Variants in F13B observed in about 807,000 individuals in gnomAD.
The protein encoded by F13B is TGase.
F13B carries 58 observed loss-of-function variants against 79.8 expected under a neutral mutation model. That is an observed-to-expected ratio of 0.73 (90% CI 0.59 to 0.90). The LOEUF (loss-of-function observed/expected upper bound fraction) is 0.90. Ranked by LOEUF, F13B falls within the 40% of genes least tolerant of loss-of-function variation. The probability of loss-of-function intolerance (pLI) is 0.00; values close to 1 mark genes in which losing one functional copy is unlikely to be tolerated. For missense variants in F13B, 773 were observed against 777.0 expected (o/e 0.99, Z 0.06); for synonymous variants, 283 against 260.3 (o/e 1.09, Z -0.84).
At chr1:197,050,202 A>C (rs965979065) in intron 10 of F13B, among the ~76,000 whole-genome samples, 1 of 152,148 alleles carries the variant, frequency 6.6e-6, no homozygotes, top group Non-Finnish European at 1.5e-5. Context: ...ATTGGAAATA[A>C]AAAATATTTT....
rs5990 is a variant in F13B at position 197,039,467 on chromosome 1, A to C, written c.1953-56T>G. On this transcript the variant is annotated intron_variant, in intron 11 of 11. Transcript: ENST00000367412. The stretch of plus-strand genomic sequence containing the variant: ...AAGCATCAATTGCAGTCAGGTGTTA[A>C]TTACAATCTCAGCCTTTCAATTTTT... 0.49 allele frequency: 695,537 copies of C among 1,410,192 alleles called. 179,483 individuals are homozygous for C. The highest frequency in any genetic ancestry group is 0.83 in the East Asian group (36,183 of 43,706). The allele number at this position is 1,410,192 out of a possible 1,614,324, so 87.4% of individuals were successfully genotyped here.
In F13B at chr1:197,051,685, A is replaced by T. The variant is rs372611050; in HGVS notation, c.1556-806T>A. ...GGTATATATGCTGATTGAAGTTTGG[A>T]AGTTGGATCACTCCTCTCAACTTTA... On this transcript the variant is annotated intron_variant, in intron 9 of 11. Transcript: ENST00000367412. Among the ~76,000 whole-genome samples the T allele has an allele frequency of 1.1e-4, 16 of 152,194 alleles. No homozygotes were observed. The East Asian group carries it at 2.9e-3, about 28-fold the overall frequency.
intron 9 of F13B, 114 bp from the exon 10 acceptor site, chr1:197,050,993 A>C (rs1338866772): frequency 1.1e-6 from 1 of 893,184 alleles, no homozygotes; most frequent in Admixed American, 2.0e-5. Context: ...GTATGGTGGC[A>C]TGATCATGAC....
intron 3 of F13B, 108 bp downstream of exon 3, chr1:197,061,674 CAT>C (rs1558311864): frequency 1.1e-6 from 1 of 908,134 alleles, no homozygotes; most frequent in African/African-American, 1.7e-5. Context: ...GCATTGTAGA[CAT>C]AATGAAAAAT....
intron 4 of F13B, 112 bp downstream of exon 4, chr1:197,060,787 G>A (rs572856309): frequency 9.6e-6 from 10 of 1,036,352 alleles, no homozygotes; most frequent in Non-Finnish European, 1.5e-5. Context: ...TAAAAATAAA[G>A]GCAAAAATGC....
At position 197,051,094 on chromosome 1, in the gene F13B, A is replaced by G. The variant is rs575671251; in HGVS notation, c.1556-215T>C. On this transcript the variant is annotated intron_variant, in intron 9 of 11. Coordinates refer to ENST00000367412, the MANE Select transcript of F13B (RefSeq NM_001994.3). ...CTACAGGTGCATTTTTCTTTTGTAG[A>G]GACAGGGTCTCACTATGTTGCTCAG... 2.0e-5 allele frequency among the ~76,000 whole-genome samples: 3 copies of G among 152,148 alleles called. No individual in the cohort carries two copies. In the East Asian group the frequency reaches 5.8e-4, roughly 30 times the overall value.
intron 4 of F13B, 117 bp from the exon 5 acceptor site, chr1:197,060,659 G>T: frequency 1.3e-6 from 1 of 787,762 alleles, no homozygotes; most frequent in Non-Finnish European, 2.0e-6. Flanking sequence ...AAAAGCTTAT[G>T]AATTCATTTT....
At position 197,039,424 on chromosome 1, in the gene F13B, A is replaced by T; in HGVS notation, c.1953-13T>A. ...ATAAGACAGAGTGCTTGAGGGGAAA[A>T]AGAGAGATTTTTGAAATAAGCATCA... is the stretch of plus-strand genomic sequence containing the variant. On this transcript the variant is annotated splice_polypyrimidine_tract_variant and intron_variant, in intron 11 of 11. Transcript: ENST00000367412. 1 of 1,608,114 alleles carries T rather than the reference A, an allele frequency of 6.2e-7. No individual in the cohort carries two copies. Among genetic ancestry groups the T allele is most frequent in the South Asian group, 1.1e-5 (1 of 89,894 alleles).
intron 5 of F13B, among the ~76,000 whole-genome samples, chr1:197,060,123 AG>A (rs1420413860): frequency 2.6e-5 from 4 of 152,072 alleles, no homozygotes; most frequent in Non-Finnish European, 5.9e-5. Context: ...AATGTATAAT[AG>A]ATATTTTAAA....
chr1:197,056,108 C>T (rs1041058340), intron 7 of F13B, among the ~76,000 whole-genome samples: 21 of 152,110 alleles, frequency 1.4e-4, no homozygotes, highest in South Asian at 1.2e-3. Context: ...AACAACTATA[C>T]GTATTTTTCT....
Position 197,040,647 on chromosome 1 carries a change from A to G in F13B, c.1827T>C (p.Gly609=), listed in dbSNP as rs1655006192. The change falls in exon 11 of 12, where the codon GGT becomes GGC. Residue 609 remains glycine, a synonymous_variant. Transcript: ENST00000367412. ...DFDNRPHILH[G]EYIEFICRGD... The stretch of plus-strand genomic sequence containing the variant: ...CTCTACAAATAAACTCAATATATTC[A>G]CCATGCAAAATGTGTGGTCTATTGT... 6.2e-7 allele frequency: 1 copy of G among 1,612,874 alleles called. No homozygotes were observed. The highest frequency in any genetic ancestry group is 8.5e-7 in the Non-Finnish European group (1 of 1,179,116).
chr1:197,045,972 T>C (rs1558304441), intron 10 of F13B, among the ~76,000 whole-genome samples: 1 of 152,174 alleles, frequency 6.6e-6, no homozygotes, highest in South Asian at 2.1e-4. Context: ...CAGCCCTTCA[T>C]GCTAAAAACT....
chr1:197,057,593 G>A, intron 5 of F13B, 128 bp from the exon 6 acceptor site: 1 of 994,966 alleles, frequency 1.0e-6, no homozygotes, highest in Non-Finnish European at 1.5e-6. Flanking sequence ...GCATTCCTTT[G>A]ATCCTCACCT....
At chr1:197,065,971 T>C (rs1656032582) in intron 1 of F13B, among the ~76,000 whole-genome samples, 1 of 147,478 alleles carries the variant, frequency 6.8e-6, no homozygotes, top group Non-Finnish European at 1.5e-5. Context: ...AATAAAATCA[T>C]TGTCTTGGTC....
At chr1:197,040,796 G>A (rs1286866739) in intron 10 of F13B, 61 bp from the exon 11 acceptor site, 23 of 1,374,526 alleles carry the variant, frequency 1.7e-5, no homozygotes, top group Non-Finnish European at 2.3e-5. Context: ...GTTACATCTT[G>A]GTAAGAACAG....
At chr1:197,056,973 C>G (rs777301898) in intron 7 of F13B, 40 bp downstream of exon 7, 2 of 1,606,182 alleles carry the variant, frequency 1.2e-6, no homozygotes, top group Admixed American at 1.7e-5. Flanking sequence ...AAATTTTACA[C>G]CATAAGTTTA....
At chr1:197,055,644 A>G in intron 8 of F13B, 71 bp downstream of exon 8, 1 of 1,468,006 alleles carries the variant, frequency 6.8e-7, no homozygotes, top group Non-Finnish European at 9.5e-7. Flanking sequence ...CATCATTTTC[A>G]TGATATAAAA....
Position 197,039,280 on chromosome 1 carries a change from GA to G in F13B, c.*97del. The G allele has an allele frequency of 9.7e-7, 1 of 1,031,182 alleles. No individual in the cohort carries two copies. The allele number at this position is 1,031,182 out of a possible 1,614,324, so 63.9% of individuals were successfully genotyped here. A position where few individuals can be genotyped will look rare whatever the true frequency, so the allele number is the denominator to read the frequency against. ...ATTTAGATTCAAATATTTAAGCAAG[GA>G]AAAACTCCGAAGTTTTTAACTTATT... On this transcript the variant is annotated 3_prime_UTR_variant, in exon 12 of 12. Transcript: ENST00000367412.
intron 10 of F13B, 32 bp downstream of exon 10, chr1:197,050,665 A>T: frequency 1.3e-6 from 2 of 1,590,862 alleles, no homozygotes; most frequent in South Asian, 2.2e-5. Flanking sequence ...ATATAGTTTT[A>T]CTTTGTTAGA....
Sources: gnomAD v4.1 joint callset for allele counts (sites outside exome capture counted in the v4.1 genomes callset) on GRCh38, gnomAD v4.1.1 for gene constraint, MANE v1.5 for transcripts, NCBI Gene and HGNC (gene_info 2026-07-23, HGNC 2026-07-21) for gene names.